Variants in SLC38A4 observed in about 807,000 individuals in gnomAD.
SLC38A4 encodes the protein solute carrier family 38 member 4, also known as sodium-coupled neutral amino acid transporter 4.
Under a neutral mutation model 63.1 loss-of-function variants are expected in SLC38A4, and 20 were observed. The ratio of observed to expected loss-of-function variants is 0.32; its 90% CI spans 0.22 to 0.46. SLC38A4 has a LOEUF of 0.46. Ranked by LOEUF, SLC38A4 falls within the 20% of genes least tolerant of loss-of-function variation. SLC38A4 has a pLI of 1.00. For missense variants in SLC38A4, 526 were observed against 663.6 expected (o/e 0.79, Z 2.28); for synonymous variants, 230 against 225.5 (o/e 1.02, Z -0.18).
chr12:46,822,411 G>C (rs1255559435), intron 1 of SLC38A4, among the ~76,000 whole-genome samples: 1 of 152,026 alleles, frequency 6.6e-6, no homozygotes, highest in Non-Finnish European at 1.5e-5. Context: ...AGGCATAAAG[G>C]GACCCTACCC....
At chr12:46,804,930 A>G (rs1444948617) in intron 1 of SLC38A4, among the ~76,000 whole-genome samples, 2 of 151,966 alleles carry the variant, frequency 1.3e-5, no homozygotes, top group African/African-American at 2.4e-5. Context: ...GATGTTTCCA[A>G]TTTAAGATTT....
At chr12:46,797,449 C>T (rs1024139838) in intron 2 of SLC38A4, among the ~76,000 whole-genome samples, 1 of 152,124 alleles carries the variant, frequency 6.6e-6, no homozygotes, top group Non-Finnish European at 1.5e-5. Flanking sequence ...ATTGGAGCTC[C>T]TGCTTCCCAG....
intron 3 of SLC38A4, 121 bp from the exon 4 acceptor site, chr12:46,788,739 T>A (rs749210520): frequency 1.2e-4 from 97 of 833,720 alleles, no homozygotes; most frequent in Non-Finnish European, 1.7e-4. Flanking sequence ...ACACCCCAAT[T>A]TTCTTTTCCT....
chr12:46,770,348 C>T (rs929764628), intron 14 of SLC38A4, among the ~76,000 whole-genome samples: 3 of 151,782 alleles, frequency 2.0e-5, no homozygotes, highest in African/African-American at 7.3e-5. Context: ...TTTGCTCCTT[C>T]CTCTTTCTCT....
intron 4 of SLC38A4, 59 bp from the exon 5 acceptor site, chr12:46,788,090 G>A (rs527314823): frequency 5.1e-4 from 656 of 1,279,678 alleles, no homozygotes; most frequent in Admixed American, 1.4e-3. Context: ...ACCTTTAGGG[G>A]TTATCCTTAT....
intron 1 of SLC38A4, among the ~76,000 whole-genome samples, chr12:46,804,434 T>A (rs560781476): frequency 2.0e-5 from 3 of 152,172 alleles, no homozygotes; most frequent in African/African-American, 7.2e-5. Flanking sequence ...ATGTATCAAC[T>A]AGAAACTATT....
In SLC38A4 at chr12:46,766,292, C is replaced by T. The variant is rs1462310846; in HGVS notation, c.*409G>A. 2 of 437,104 alleles carry T rather than the reference C, an allele frequency of 4.6e-6. No individual in the cohort carries two copies. Among genetic ancestry groups the T allele is most frequent in the Non-Finnish European group, 9.3e-6 (2 of 216,002 alleles). 27.1% of individuals were successfully genotyped at this position (437,104 alleles called of 1,614,324 possible). A position where few individuals can be genotyped will look rare whatever the true frequency, so the allele number is the denominator to read the frequency against. ...CATTAAATGGTGATAGCTTTGCCAC[C>T]AGGGCATTTTTGTTTGATGTTCTGA... is the stretch of plus-strand genomic sequence containing the variant. On this transcript the variant is annotated 3_prime_UTR_variant, in exon 17 of 17. Transcript: ENST00000266579.
At chr12:46,783,222 A>C in intron 7 of SLC38A4, among the ~76,000 whole-genome samples, 1 of 145,492 alleles carries the variant, frequency 6.9e-6, no homozygotes, top group South Asian at 2.2e-4. Context: ...GGATAAATTG[A>C]TAGATGATAG....
At chr12:46,767,020 G>T (rs1323350732) in intron 16 of SLC38A4, among the ~76,000 whole-genome samples, 1 of 151,964 alleles carries the variant, frequency 6.6e-6, no homozygotes, top group African/African-American at 2.4e-5. Flanking sequence ...TTCAACAATG[G>T]AGTAATAGTT....
intron 1 of SLC38A4, among the ~76,000 whole-genome samples, chr12:46,813,948 A>G (rs973224825): frequency 2.6e-5 from 4 of 152,056 alleles, no homozygotes; most frequent in Non-Finnish European, 5.9e-5. Flanking sequence ...TCTGACTTCA[A>G]TACCTAATAT....
chr12:46,787,779 G>A (rs536785415), intron 5 of SLC38A4, 137 bp downstream of exon 5: 39 of 592,724 alleles, frequency 6.6e-5, no homozygotes, highest in Non-Finnish European at 1.1e-4. Context: ...GTTAGGGATG[G>A]TTGGGTGACC....
At chr12:46,789,554 G>A (rs968643217) in intron 3 of SLC38A4, among the ~76,000 whole-genome samples, 15 of 152,110 alleles carry the variant, frequency 9.9e-5, no homozygotes, top group African/African-American at 3.6e-4. Flanking sequence ...TGAGGCTACG[G>A]ACCTAGGACC....
At chr12:46,823,273 G>A (rs7963807) in intron 1 of SLC38A4, among the ~76,000 whole-genome samples, 86,928 of 151,898 alleles carry the variant, frequency 0.57, 25,456 homozygotes, top group Non-Finnish European at 0.62. Context: ...AAGTTTATAG[G>A]ATTAAATTAT....
Position 46,779,998 on chromosome 12 carries a change from C to T in SLC38A4, c.526G>A (p.Glu176Lys). ...MSSYLFIIKY[E>K]LPEVIRAFMG... ...AATGCTCTGATTACTTCAGGTAGTTCATATTTAATGATAAAGAGGTAGCTT... is the reference window on the plus strand; with the variant it reads ...AATGCTCTGATTACTTCAGGTAGTTTATATTTAATGATAAAGAGGTAGCTT... The change falls in exon 8 of 17, where the codon GAA becomes AAA. Residue 176 changes from glutamate to lysine, a missense_variant. Transcript: ENST00000266579. 2 of 1,612,294 alleles carry T rather than the reference C, an allele frequency of 1.2e-6. No homozygotes were observed. Among genetic ancestry groups the T allele is most frequent in the Non-Finnish European group, 1.7e-6 (2 of 1,178,926 alleles).
intron 12 of SLC38A4, among the ~76,000 whole-genome samples, chr12:46,777,900 C>T (rs1255376993): frequency 2.6e-5 from 4 of 152,042 alleles, no homozygotes; most frequent in Non-Finnish European, 5.9e-5. Context: ...AATGACATCA[C>T]TGGCTTATCG....
intron 1 of SLC38A4, among the ~76,000 whole-genome samples, chr12:46,820,190 A>G (rs1939513944): frequency 6.6e-6 from 1 of 151,966 alleles, no homozygotes. Context: ...GTTTTGTTTG[A>G]GATAAGAACA....
At chr12:46,783,020 ATGTGTGTGTG>A (rs71437771) in intron 7 of SLC38A4, among the ~76,000 whole-genome samples, 8 of 103,658 alleles carry the variant, frequency 7.7e-5, no homozygotes, top group Admixed American at 1.1e-4. Flanking sequence ...GAGAGAGAAA[ATGTGTGTGTG>A]TGTGTGTGTG....
intron 1 of SLC38A4, among the ~76,000 whole-genome samples, chr12:46,822,166 A>T (rs984541817): frequency 6.6e-6 from 1 of 152,052 alleles, no homozygotes; most frequent in Non-Finnish European, 1.5e-5. Flanking sequence ...CGCTTTTTTG[A>T]CATCTTTGGG....
rs773564747 is a variant in SLC38A4, at chr12:46,766,649, G to A, written c.*52C>T. The A allele has an allele frequency of 6.5e-5, 74 of 1,131,226 alleles. 1 individual carries two copies. Among genetic ancestry groups the A allele is most frequent in the Non-Finnish European group, 4.0e-6 (3 of 753,080 alleles). 70.1% of individuals were successfully genotyped at this position (1,131,226 alleles called of 1,614,324 possible). On this transcript the variant is annotated 3_prime_UTR_variant, in exon 17 of 17. Transcript: ENST00000266579. ...ATCAAGATAATTCAAATATCTTTTG[G>A]AGTATAACTTGTAACCATTTCCAAT...
Sources: allele counts gnomAD v4.1 joint callset (sites outside exome capture counted in the v4.1 genomes callset), GRCh38; gene constraint gnomAD v4.1.1; transcripts MANE v1.5; gene names NCBI Gene and HGNC (gene_info 2026-07-23, HGNC 2026-07-21).